Variants in XIRP2 observed in about 807,000 individuals in gnomAD.
XIRP2 encodes xin actin binding repeat containing 2.
In XIRP2, 236 loss-of-function variants were observed where a neutral mutation model predicts 277.0. The observed-to-expected ratio is 0.85, with a 90% CI of 0.77 to 0.95. The LOEUF is 0.95. Ranked by LOEUF, XIRP2 falls within the 40% of genes least tolerant of loss-of-function variation. The probability of loss-of-function intolerance (pLI) is 0.00; values close to 1 mark genes in which losing one functional copy is unlikely to be tolerated. For missense variants in XIRP2, 4,640 were observed against 4,157.5 expected (o/e 1.12, Z -3.19); for synonymous variants, 1,490 against 1,416.5 (o/e 1.05, Z -1.17).
intron 4 of XIRP2, among the ~76,000 whole-genome samples, chr2:167,212,277 G>A (rs928956182): frequency 6.6e-6 from 1 of 152,108 alleles, no homozygotes; most frequent in South Asian, 2.1e-4. Context: ...GAACTTATTC[G>A]TGTTCTAAAT....
chr2:167,209,455 C>G (rs1451820901), intron 3 of XIRP2, among the ~76,000 whole-genome samples: 1 of 151,976 alleles, frequency 6.6e-6, no homozygotes, highest in East Asian at 1.9e-4. Flanking sequence ...GAGGGAACAG[C>G]TTGGCTGTCT....
chr2:167,121,720 A>T (rs761432785), intron 2 of XIRP2, among the ~76,000 whole-genome samples: 65 of 152,166 alleles, frequency 4.3e-4, no homozygotes, highest in Non-Finnish European at 5.7e-4. Flanking sequence ...CTTGACTGAG[A>T]AGGGAAAGAA....
intron 2 of XIRP2, among the ~76,000 whole-genome samples, chr2:166,943,140 C>G (rs1409599537): frequency 2.0e-5 from 3 of 151,896 alleles, no homozygotes; most frequent in African/African-American, 7.2e-5. Context: ...AACATTTTCT[C>G]TTTAGGATTC....
At chr2:167,037,518 GGTGTGTGTGTGTGTGTGTGT>G (rs59857626) in intron 2 of XIRP2, among the ~76,000 whole-genome samples, 1 of 126,380 alleles carries the variant, frequency 7.9e-6, no homozygotes, top group South Asian at 2.4e-4. Context: ...TCATGTGGGG[GGTGTGTGTGTGTGTGTGTGT>G]GTGTGTGTGT....
chr2:167,060,512 G>A (rs1244231084), intron 2 of XIRP2, among the ~76,000 whole-genome samples: 2 of 151,878 alleles, frequency 1.3e-5, no homozygotes, highest in Admixed American at 1.3e-4. Context: ...AATTTTGAGG[G>A]GTTTTTTGTA....
intron 3 of XIRP2, among the ~76,000 whole-genome samples, chr2:167,205,467 A>G (rs1389940050): frequency 6.6e-6 from 1 of 152,096 alleles, no homozygotes; most frequent in Non-Finnish European, 1.5e-5. Context: ...TTTCCCATAA[A>G]GGTTTCCTTT....
intron 2 of XIRP2, among the ~76,000 whole-genome samples, chr2:167,118,068 C>A (rs1420485437): frequency 6.6e-6 from 1 of 152,024 alleles, no homozygotes; most frequent in Non-Finnish European, 1.5e-5. Flanking sequence ...TATGTTTTTT[C>A]CCCCACCAAA....
At chr2:167,169,643 A>T (rs1573930496) in intron 3 of XIRP2, among the ~76,000 whole-genome samples, 1 of 152,200 alleles carries the variant, frequency 6.6e-6, no homozygotes, top group Admixed American at 6.5e-5. Context: ...TACATACTGG[A>T]CCAGAAACTG....
intron 3 of XIRP2, among the ~76,000 whole-genome samples, chr2:167,137,418 G>A (rs1387899709): frequency 6.6e-6 from 1 of 152,176 alleles, no homozygotes; most frequent in East Asian, 1.9e-4. Context: ...TAGATTAGCA[G>A]AGGCCAAGGA....
Position 167,258,379 on chromosome 2 carries a change from G to C in XIRP2, c.*562G>C, listed in dbSNP as rs1324720878. On this transcript the variant is annotated 3_prime_UTR_variant, in exon 11 of 11. Coordinates refer to ENST00000409195, the MANE Select transcript of XIRP2 (RefSeq NM_152381.6). ...ATCTACAGTCCACCCATGTTTGTCA[G>C]AAAGAGGATGTTATAGGAATCAAAG... 4 of 1,613,332 alleles carry C rather than the reference G, an allele frequency of 2.5e-6. No individual in the cohort carries two copies. Among genetic ancestry groups the C allele is most frequent in the Non-Finnish European group, 2.5e-6 (3 of 1,179,632 alleles).
chr2:167,228,450 G>A (rs1245369359), intron 5 of XIRP2, among the ~76,000 whole-genome samples: 1 of 152,142 alleles, frequency 6.6e-6, no homozygotes, highest in Non-Finnish European at 1.5e-5. Flanking sequence ...AATCCACAAT[G>A]TGAAGACACA....
intron 2 of XIRP2, among the ~76,000 whole-genome samples, chr2:166,978,359 A>G (rs1356126042): frequency 1.3e-5 from 2 of 152,190 alleles, no homozygotes; most frequent in East Asian, 3.9e-4. Flanking sequence ...TTTGAATATT[A>G]CAATTCCATA....
chr2:167,204,385 A>G (rs1646807424), intron 3 of XIRP2, among the ~76,000 whole-genome samples: 1 of 152,156 alleles, frequency 6.6e-6, no homozygotes, highest in Admixed American at 6.6e-5. Context: ...TTTACTGAGC[A>G]TAGTGATTTT....
chr2:166,903,638 A>G lies in XIRP2; in HGVS notation c.156A>G (p.Ser52=), dbSNP rs763998050. The change falls in exon 2 of 11, where the codon TCA becomes TCG. Residue 52 remains serine (S), a synonymous_variant. Coordinates refer to ENST00000409195, the MANE Select transcript of XIRP2 (RefSeq NM_152381.6). ...TTGCGCCTGAAGGAGAGGTAGTATC[A>G]GCACCTCAATCTTTGGATCCCACAA... ...KLLAPEGEVV[S]APQSLDPTSL... is the part of the protein sequence containing the mutation. The G allele has an allele frequency of 3.1e-6, 5 of 1,613,646 alleles. No homozygotes were observed. The highest frequency in any genetic ancestry group is 1.6e-4 in the Middle Eastern group (1 of 6,062).
intron 3 of XIRP2, among the ~76,000 whole-genome samples, chr2:167,179,602 G>T (rs1692953109): frequency 6.6e-6 from 1 of 150,934 alleles, no homozygotes; most frequent in African/African-American, 2.4e-5. Context: ...TTACAGGCGT[G>T]AGCCACCGCA....
At chr2:167,176,317 C>T (rs1692847095) in intron 3 of XIRP2, among the ~76,000 whole-genome samples, 1 of 152,152 alleles carries the variant, frequency 6.6e-6, no homozygotes, top group Non-Finnish European at 1.5e-5. Flanking sequence ...TCTGCTCGCC[C>T]TCCGTGGGCT....
chr2:167,031,511 G>T (rs1273279584), intron 2 of XIRP2, among the ~76,000 whole-genome samples: 1 of 151,644 alleles, frequency 6.6e-6, no homozygotes, highest in Middle Eastern at 3.2e-3. Context: ...TAAGAATGTT[G>T]AATTTGTCCC....
At chr2:167,185,900 T>C (rs1235558044) in intron 3 of XIRP2, among the ~76,000 whole-genome samples, 1 of 152,182 alleles carries the variant, frequency 6.6e-6, no homozygotes, top group East Asian at 1.9e-4. Flanking sequence ...CACAGATGAA[T>C]AAAGTGAAGC....
chr2:166,936,354 C>T (rs903597009), intron 2 of XIRP2, among the ~76,000 whole-genome samples: 26 of 152,242 alleles, frequency 1.7e-4, no homozygotes, highest in Middle Eastern at 3.4e-3. Context: ...TTCTCCCATT[C>T]TGTAGGTTGC....
Sources: gnomAD v4.1 joint callset for allele counts (sites outside exome capture counted in the v4.1 genomes callset) on GRCh38, gnomAD v4.1.1 for gene constraint, MANE v1.5 for transcripts, NCBI Gene and HGNC (gene_info 2026-07-23, HGNC 2026-07-21) for gene names.